Variants in EHBP1 observed in about 807,000 individuals in gnomAD.
EHBP1 encodes EH domain-binding protein 1.
A neutral mutation model predicts 144.0 loss-of-function variants in EHBP1; 55 were observed. The ratio of observed to expected loss-of-function variants is 0.38; its 90% CI spans 0.31 to 0.48. The LOEUF is 0.48. Among genes scored for constraint, EHBP1 ranks in the 20% least tolerant of loss-of-function variants. The pLI is 0.98. For synonymous variants in EHBP1, 469 were observed against 472.7 expected, an observed-to-expected ratio of 0.99 and a Z score of 0.10; for missense variants, 1,200 against 1,364.2, an observed-to-expected ratio of 0.88 and a Z score of 1.90.
At chr2:62,885,997 T>C (rs1465149892) in intron 10 of EHBP1, among the ~76,000 whole-genome samples, 1 of 152,208 alleles carries the variant, frequency 6.6e-6, no homozygotes, top group Non-Finnish European at 1.5e-5. Flanking sequence ...ACTTGGATGT[T>C]TTCAGACTTG....
intron 3 of EHBP1, among the ~76,000 whole-genome samples, chr2:62,759,892 C>CT (rs534303241): frequency 8.8e-4 from 134 of 152,234 alleles, no homozygotes; most frequent in African/African-American, 3.2e-3. Context: ...AACAGTAACA[C>CT]TATTTTTTTT....
intron 11 of EHBP1, 77 bp downstream of exon 11, chr2:62,942,973 A>AT (rs2153075887): frequency 9.3e-7 from 1 of 1,078,080 alleles, no homozygotes; most frequent in South Asian, 2.1e-5. Context: ...ATAATTTCTT[A>AT]GCACATCCTG....
chr2:63,018,080 G>T lies in EHBP1; in HGVS notation c.3104-19455G>T, dbSNP rs535495343. 1.8e-4 allele frequency among the ~76,000 whole-genome samples: 28 copies of T among 152,286 alleles called. 1 individual carries two copies. The South Asian group carries it at 3.7e-3, about 20-fold the overall frequency. On this transcript the variant is annotated intron_variant, in intron 19 of 22. Transcript: ENST00000431489. ...CTCAAGAGGCTGAGGCAGGAGAATT[G>T]CTTGAGCCCAAGAGTTTGCAGCTAC...
At chr2:62,690,231 T>G (rs931042632) in intron 1 of EHBP1, among the ~76,000 whole-genome samples, 5 of 151,762 alleles carry the variant, frequency 3.3e-5, no homozygotes, top group Admixed American at 2.6e-4. Context: ...GATGATGGAG[T>G]ATATGTGTCT....
chr2:63,003,737 C>T (rs771329021), intron 19 of EHBP1, among the ~76,000 whole-genome samples: 6 of 151,998 alleles, frequency 3.9e-5, no homozygotes, highest in African/African-American at 1.4e-4. Flanking sequence ...ATAAACTCAG[C>T]GGAAGAAGCC....
chr2:62,720,564 A>G (rs2036130970), intron 2 of EHBP1, among the ~76,000 whole-genome samples: 1 of 152,250 alleles, frequency 6.6e-6, no homozygotes, highest in South Asian at 2.1e-4. Flanking sequence ...AACTGGATTT[A>G]TTCATGCAAT....
intron 15 of EHBP1, among the ~76,000 whole-genome samples, chr2:62,989,049 A>G (rs1301381538): frequency 1.3e-5 from 2 of 152,140 alleles, no homozygotes; most frequent in Admixed American, 6.6e-5. Flanking sequence ...GTTAAATTAT[A>G]CTATTGCTAA....
At chr2:62,758,026 A>AC (rs1052686255) in intron 3 of EHBP1, among the ~76,000 whole-genome samples, 2 of 152,124 alleles carry the variant, frequency 1.3e-5, no homozygotes, top group African/African-American at 4.8e-5. Flanking sequence ...AAAAAAAAAA[A>AC]AAATTTACTT....
intron 10 of EHBP1, among the ~76,000 whole-genome samples, chr2:62,900,021 A>G (rs1454750300): frequency 2.6e-5 from 4 of 152,212 alleles, no homozygotes; most frequent in African/African-American, 9.6e-5. Flanking sequence ...TTAGAATGGA[A>G]TTACTGAGTA....
chr2:62,704,156 A>G (rs187566053), upstream of EHBP1, among the ~76,000 whole-genome samples: 2 of 152,374 alleles, frequency 1.3e-5, no homozygotes, highest in East Asian at 3.8e-4. Flanking sequence ...TTAATAGAAA[A>G]TAAGAATCAA....
intron 14 of EHBP1, among the ~76,000 whole-genome samples, chr2:62,960,337 T>C (rs1430855195): frequency 6.6e-6 from 1 of 152,148 alleles, no homozygotes; most frequent in African/African-American, 2.4e-5. Flanking sequence ...TGCCATACTC[T>C]TTCATTCTTG....
intron 19 of EHBP1, among the ~76,000 whole-genome samples, chr2:63,005,727 T>C (rs1448283458): frequency 1.3e-5 from 2 of 152,062 alleles, no homozygotes; most frequent in African/African-American, 4.8e-5. Context: ...TTAAAAGTTA[T>C]CTATAATTGG....
At chr2:62,991,660 C>A (rs952501769) in intron 16 of EHBP1, among the ~76,000 whole-genome samples, 1 of 152,108 alleles carries the variant, frequency 6.6e-6, no homozygotes, top group East Asian at 1.9e-4. Flanking sequence ...TATTATTAGA[C>A]TGTTTATATT....
At chr2:62,697,766 AG>A (rs1166479592) in intron 1 of EHBP1, among the ~76,000 whole-genome samples, 1 of 152,250 alleles carries the variant, frequency 6.6e-6, no homozygotes, top group African/African-American at 2.4e-5. Context: ...TATCATTCAA[AG>A]TTGTACTCTT....
At chr2:62,757,342 A>G (rs2040375676) in intron 3 of EHBP1, among the ~76,000 whole-genome samples, 2 of 151,816 alleles carry the variant, frequency 1.3e-5, no homozygotes, top group African/African-American at 2.4e-5. Flanking sequence ...CAGCTAGCAG[A>G]ATATATTCTA....
At chr2:62,907,194 G>A (rs1021797535) in intron 10 of EHBP1, among the ~76,000 whole-genome samples, 3 of 152,166 alleles carry the variant, frequency 2.0e-5, no homozygotes, top group African/African-American at 7.2e-5. Flanking sequence ...CCTGTTTAGT[G>A]TTCTAAGAAA....
At chr2:62,902,968 C>G (rs945847205) in intron 10 of EHBP1, among the ~76,000 whole-genome samples, 2 of 152,136 alleles carry the variant, frequency 1.3e-5, no homozygotes, top group Non-Finnish European at 2.9e-5. Context: ...TCTGGAAGAA[C>G]TGGCATTTTT....
rs532846003 is a variant in EHBP1 at position 63,020,341 on chromosome 2, A to G, written c.3104-17194A>G. ...TCTGTCTCAAAAAAAAAAAAAAAAA[A>G]AAAAAGAAAACATTAGCTGGGTGTG... On this transcript the variant is annotated intron_variant, in intron 19 of 22. Transcript: ENST00000431489. Among the ~76,000 whole-genome samples the G allele has an allele frequency of 3.1e-4, 46 of 150,562 alleles. 1 individual carries two copies. The highest frequency in any genetic ancestry group is 1.8e-3 in the Admixed American group (27 of 15,156).
intron 2 of EHBP1, among the ~76,000 whole-genome samples, chr2:62,721,149 T>C (rs1286715304): frequency 6.6e-6 from 1 of 152,194 alleles, no homozygotes; most frequent in Admixed American, 6.5e-5. Context: ...TTTTTAGTCT[T>C]TTTTTGTTTT....
Sources: allele counts gnomAD v4.1 joint callset (sites outside exome capture counted in the v4.1 genomes callset), GRCh38; gene constraint gnomAD v4.1.1; transcripts MANE v1.5; gene names NCBI Gene and HGNC (gene_info 2026-07-23, HGNC 2026-07-21).